The following GNA14 variants were observed in gnomAD, a reference collection of about 807,000 sequenced individuals.
The protein encoded by GNA14 is G protein subunit alpha 14.
GNA14 carries 50 observed loss-of-function variants against 42.0 expected under a neutral mutation model. That is an observed-to-expected ratio of 1.19 (90% CI 0.95 to 1.51). The LOEUF is 1.51. Among genes scored for constraint, GNA14 ranks in the 40% most tolerant of loss-of-function variants. The probability of loss-of-function intolerance (pLI) is 0.00; values close to 1 mark genes in which losing one functional copy is unlikely to be tolerated. For synonymous variants in GNA14, 173 were observed against 163.1 expected, an observed-to-expected ratio of 1.06 and a Z score of -0.46; for missense variants, 473 against 446.2, an observed-to-expected ratio of 1.06 and a Z score of -0.54.
intron 2 of GNA14, among the ~76,000 whole-genome samples, chr9:77,470,746 C>T (rs1587781804): frequency 6.6e-6 from 1 of 152,290 alleles, no homozygotes; most frequent in Admixed American, 6.5e-5. Context: ...ATTCCACAGG[C>T]TGTACAAGAA....
intron 2 of GNA14, among the ~76,000 whole-genome samples, chr9:77,508,628 G>A (rs1837108524): frequency 6.6e-6 from 1 of 152,186 alleles, no homozygotes. Flanking sequence ...GATAGGGTGA[G>A]AAGCATGTAA....
chr9:77,561,549 T>C (rs1043833334), intron 1 of GNA14, among the ~76,000 whole-genome samples: 1 of 152,166 alleles, frequency 6.6e-6, no homozygotes, highest in Non-Finnish European at 1.5e-5. Context: ...TGCTCACAGA[T>C]GCTACAGTAT....
chr9:77,516,831 T>C (rs1032471665), intron 2 of GNA14, among the ~76,000 whole-genome samples: 5 of 152,230 alleles, frequency 3.3e-5, no homozygotes, highest in African/African-American at 9.6e-5. Flanking sequence ...ACAAGAGTAA[T>C]CTCTGGCCAA....
At chr9:77,498,389 G>A (rs769875) in intron 2 of GNA14, among the ~76,000 whole-genome samples, 101,011 of 121,212 alleles carry the variant, frequency 0.83, 40,459 homozygotes, top group Middle Eastern at 0.94. Context: ...AAAAAAAAAA[G>A]AAAAAAAAGA....
chr9:77,462,466 A>C (rs1836124979), intron 2 of GNA14, among the ~76,000 whole-genome samples: 1 of 152,158 alleles, frequency 6.6e-6, no homozygotes, highest in Admixed American at 6.5e-5. Flanking sequence ...CATGCCTGTA[A>C]TCCCAGCACT....
Position 77,428,951 on chromosome 9 carries a change from C to G in GNA14, c.679G>C (p.Ala227Pro), listed in dbSNP as rs757733113. Residue 227 changes from alanine to proline, a missense_variant, in exon 5 of 7, where the codon GCT becomes CCT. Ala to Pro is a conservative substitution (Grantham distance 27). Transcript: ENST00000341700. ...AGGACCTGGTCATATTCACTCAGAG[C>G]AACCAAGAAAATAATGGAGGTGACA... ...ESVTSIIFLV[A>P]LSEYDQVLAE... 1 of 1,614,016 alleles carries G rather than the reference C, an allele frequency of 6.2e-7. No individual in the cohort carries two copies. The highest frequency in any genetic ancestry group is 1.7e-5 in the Admixed American group (1 of 60,004).
At chr9:77,511,805 A>C (rs1269666988) in intron 2 of GNA14, among the ~76,000 whole-genome samples, 1 of 152,206 alleles carries the variant, frequency 6.6e-6, no homozygotes, top group African/African-American at 2.4e-5. Context: ...TGTAATTTAC[A>C]TGGAGGCCTG....
chr9:77,591,369 C>T (rs1296521429), intron 1 of GNA14, among the ~76,000 whole-genome samples: 2 of 152,146 alleles, frequency 1.3e-5, no homozygotes, highest in Non-Finnish European at 2.9e-5. Flanking sequence ...AGATAGAGTA[C>T]TAGGATTTTT....
chr9:77,425,591 T>A lies in GNA14; in HGVS notation c.848A>T (p.His283Leu), dbSNP rs1564010012. The A allele has an allele frequency of 6.2e-7, 1 of 1,608,064 alleles. No individual in the cohort carries two copies. The highest frequency in any genetic ancestry group is 1.7e-5 in the Admixed American group (1 of 59,594). The change falls in exon 6 of 7, where the codon CAT (histidine) becomes CTT (leucine). Residue 283 changes from histidine to leucine, a missense_variant. Transcript: ENST00000341700. ...GTATTCTGGGAAATAGCTAATTAGA[T>A]GAGAGTACATGATTTTCTCTTCCAA... ...DLLEEKIMYSHLISYFPEYTG... is the reference protein window; with the variant it reads ...DLLEEKIMYSLLISYFPEYTG...
At chr9:77,511,504 T>C (rs2131750608) in intron 2 of GNA14, among the ~76,000 whole-genome samples, 1 of 152,286 alleles carries the variant, frequency 6.6e-6, no homozygotes, top group East Asian at 1.9e-4. Flanking sequence ...GGAGAGACAA[T>C]GTACGCATCC....
chr9:77,473,056 C>T (rs1188137025), intron 2 of GNA14, among the ~76,000 whole-genome samples: 1 of 152,158 alleles, frequency 6.6e-6, no homozygotes, highest in African/African-American at 2.4e-5. Context: ...AAAACAATTC[C>T]ATTTAGAACA....
At chr9:77,484,922 C>G (rs1836630879) in intron 2 of GNA14, among the ~76,000 whole-genome samples, 1 of 144,624 alleles carries the variant, frequency 6.9e-6, no homozygotes, top group Non-Finnish European at 1.5e-5. Context: ...TTTAAAAATG[C>G]TAATGATCAT....
rs201049771 is a variant in GNA14, at chr9:77,529,054, C to T, written c.309+15G>A. ...TACATTCACAAATAGGGCAAGCACT[C>T]CCTAAGCACGTTACCTTATTCTGTT... On this transcript the variant is annotated intron_variant, in intron 2 of 6. Coordinates refer to ENST00000341700, the MANE Select transcript of GNA14 (RefSeq NM_004297.4). The T allele has an allele frequency of 5.5e-5, 88 of 1,611,676 alleles. No individual in the cohort carries two copies. The Middle Eastern group carries it at 9.9e-4, about 18-fold the overall frequency.
chr9:77,539,953 T>C (rs1422804116), intron 1 of GNA14, among the ~76,000 whole-genome samples: 1 of 152,170 alleles, frequency 6.6e-6, no homozygotes, highest in African/African-American at 2.4e-5. Flanking sequence ...TTCATTTCAT[T>C]GATCTTTTGT....
intron 2 of GNA14, among the ~76,000 whole-genome samples, chr9:77,436,957 G>A (rs990576530): frequency 8.5e-5 from 13 of 152,198 alleles, no homozygotes; most frequent in Non-Finnish European, 1.6e-4. Context: ...GAGCACACAC[G>A]GAGCAGGTCA....
chr9:77,624,892 A>T (rs904408466), intron 1 of GNA14, among the ~76,000 whole-genome samples: 1 of 152,094 alleles, frequency 6.6e-6, no homozygotes, highest in African/African-American at 2.4e-5. Context: ...ACAAAATTGG[A>T]TGGAGAATGA....
chr9:77,534,569 C>G (rs564588643), intron 1 of GNA14, among the ~76,000 whole-genome samples: 1 of 152,282 alleles, frequency 6.6e-6, no homozygotes, highest in East Asian at 1.9e-4. Flanking sequence ...CTGAAACCAT[C>G]GTGAGAAGCC....
chr9:77,435,600 C>A (rs760723925), intron 2 of GNA14, among the ~76,000 whole-genome samples: 3 of 152,060 alleles, frequency 2.0e-5, no homozygotes, highest in Non-Finnish European at 2.9e-5. Flanking sequence ...TGCTCTATTA[C>A]TACAGTAATT....
At position 77,481,388 on chromosome 9, in the gene GNA14, G is replaced by A. The variant is rs1306350110; in HGVS notation, c.310-46866C>T. ...GTGAGTTTCTTAATCCTGAGTTCTA[G>A]TTTGATTGCACTATGGTCTGAGAGA... is the stretch of plus-strand genomic sequence containing the variant. On this transcript the variant is annotated intron_variant, in intron 2 of 6. Coordinates refer to ENST00000341700, the MANE Select transcript of GNA14 (RefSeq NM_004297.4). Among the ~76,000 whole-genome samples, 25 of 152,288 alleles carry A rather than the reference G, an allele frequency of 1.6e-4. 1 individual carries two copies. In the East Asian group the frequency reaches 2.7e-3, roughly 16 times the overall value.
Sources: gnomAD v4.1 joint callset for allele counts (sites outside exome capture counted in the v4.1 genomes callset) on GRCh38, gnomAD v4.1.1 for gene constraint, MANE v1.5 for transcripts, NCBI Gene and HGNC (gene_info 2026-07-23, HGNC 2026-07-21) for gene names.